The following CNTN1 variants were observed in gnomAD, a reference collection of about 807,000 sequenced individuals.
The protein encoded by CNTN1 is contactin 1.
A neutral mutation model predicts 126.4 loss-of-function variants in CNTN1; 38 were observed. The ratio of observed to expected loss-of-function variants is 0.30; its 90% CI spans 0.23 to 0.39. The LOEUF (loss-of-function observed/expected upper bound fraction) is 0.39. Among genes scored for constraint, CNTN1 ranks in the 10% least tolerant of loss-of-function variants. The pLI is 1.00. For missense variants in CNTN1, 1,009 were observed against 1,248.4 expected (o/e 0.81, Z 2.89); for synonymous variants, 413 against 422.6 (o/e 0.98, Z 0.28).
At chr12:40,758,648 A>G (rs926670499) in intron 1 of CNTN1, among the ~76,000 whole-genome samples, 2 of 152,190 alleles carry the variant, frequency 1.3e-5, no homozygotes. Context: ...TAGATGAAAG[A>G]GTATAATGAA....
chr12:40,805,045 C>T (rs1940794283), intron 1 of CNTN1, among the ~76,000 whole-genome samples: 1 of 151,970 alleles, frequency 6.6e-6, no homozygotes, highest in Non-Finnish European at 1.5e-5. Flanking sequence ...TTCCTTGGTG[C>T]ACAATACAAT....
In CNTN1 at chr12:40,810,338, G is replaced by A. The variant is rs144128058; in HGVS notation, c.-76-98019G>A. Among the ~76,000 whole-genome samples the A allele has an allele frequency of 9.9e-4, 150 of 152,254 alleles. No homozygotes were observed. In the Middle Eastern group the frequency reaches 0.01, roughly 10 times the overall value. On this transcript the variant is annotated intron_variant, in intron 1 of 23. Coordinates refer to ENST00000551295, the MANE Select transcript of CNTN1 (RefSeq NM_001843.4). Reference sequence around the variant, plus strand: ...ATTGCTAAATGATTTCCACAATAAAGTTTGTTAACATAGCCATCATCTCAC... The same window carrying A: ...ATTGCTAAATGATTTCCACAATAAAATTTGTTAACATAGCCATCATCTCAC...
At chr12:40,747,304 G>GGTGTGTGTGTGT (rs1565679842) in intron 1 of CNTN1, among the ~76,000 whole-genome samples, 1 of 21,046 alleles carries the variant, frequency 4.8e-5, no homozygotes, top group African/African-American at 1.5e-4. Flanking sequence ...TTTGTGAAGG[G>GGTGTGTGTGTGT]ATGTGTGTGT....
intron 23 of CNTN1, among the ~76,000 whole-genome samples, chr12:41,030,356 A>C (rs1949123082): frequency 6.6e-6 from 1 of 152,092 alleles, no homozygotes. Context: ...GCCACAATAC[A>C]TATATACATC....
At chr12:40,940,693 C>T (rs144074386) in intron 12 of CNTN1, among the ~76,000 whole-genome samples, 4 of 152,178 alleles carry the variant, frequency 2.6e-5, no homozygotes, top group South Asian at 2.1e-4. Flanking sequence ...AGCACAGGCA[C>T]GGCTGTTTAT....
chr12:40,775,321 A>G (rs753022720), intron 1 of CNTN1, among the ~76,000 whole-genome samples: 10 of 151,478 alleles, frequency 6.6e-5, no homozygotes, highest in Non-Finnish European at 1.3e-4. Flanking sequence ...TGAATTATAT[A>G]TAATGTAATG....
intron 1 of CNTN1, among the ~76,000 whole-genome samples, chr12:40,832,859 G>A (rs1459376927): frequency 2.6e-5 from 4 of 152,046 alleles, no homozygotes; most frequent in East Asian, 1.9e-4. Flanking sequence ...TAATCACCCC[G>A]GGGACACATA....
chr12:40,735,563 AAGG>A (rs1182992672), intron 1 of CNTN1, among the ~76,000 whole-genome samples: 1 of 152,106 alleles, frequency 6.6e-6, no homozygotes, highest in African/African-American at 2.4e-5. Context: ...AACTGTGAGA[AAGG>A]AGACCAAAGA....
intron 1 of CNTN1, among the ~76,000 whole-genome samples, chr12:40,782,327 A>G (rs1035823401): frequency 6.6e-6 from 1 of 151,960 alleles, no homozygotes; most frequent in Non-Finnish European, 1.5e-5. Context: ...AAACCCTTTT[A>G]GCTTAAATGT....
At chr12:40,852,203 C>CA (rs1275984516) in intron 1 of CNTN1, among the ~76,000 whole-genome samples, 3 of 152,116 alleles carry the variant, frequency 2.0e-5, no homozygotes, top group Admixed American at 2.0e-4. Flanking sequence ...ATAATAATAA[C>CA]AAAAAGCAAG....
At position 40,842,058 on chromosome 12, in the gene CNTN1, A is replaced by G. The variant is rs11178707; in HGVS notation, c.-76-66299A>G. Among the ~76,000 whole-genome samples the G allele has an allele frequency of 1.2e-3, 177 of 152,196 alleles. 3 individuals carry two copies. In the East Asian group the frequency reaches 0.033, roughly 28 times the overall value. On this transcript the variant is annotated intron_variant, in intron 1 of 23. Transcript: ENST00000551295. ...TTAGGAGAAAGTCAAATATAATTTG[A>G]AAAATAAGCCACTCATAAACCCTAA...
chr12:40,983,389 T>C (rs1441914919), intron 16 of CNTN1, among the ~76,000 whole-genome samples: 1 of 152,100 alleles, frequency 6.6e-6, no homozygotes. Flanking sequence ...TTTGTTCCTC[T>C]TTTCCTTGTT....
intron 1 of CNTN1, among the ~76,000 whole-genome samples, chr12:40,719,704 A>G (rs976590903): frequency 6.6e-6 from 1 of 152,258 alleles, no homozygotes; most frequent in Admixed American, 6.5e-5. Context: ...TGCTTGCTAC[A>G]TAACTGTAGA....
intron 1 of CNTN1, among the ~76,000 whole-genome samples, chr12:40,892,434 A>T (rs1592214772): frequency 6.6e-6 from 1 of 152,066 alleles, no homozygotes; most frequent in Non-Finnish European, 1.5e-5. Flanking sequence ...CCACATTAGA[A>T]TTTTTCCATG....
intron 1 of CNTN1, among the ~76,000 whole-genome samples, chr12:40,719,001 T>A (rs1319164269): frequency 1.3e-5 from 2 of 151,964 alleles, no homozygotes; most frequent in African/African-American, 4.8e-5. Flanking sequence ...TTTGGAGGGG[T>A]TGATTTTTTT....
intron 1 of CNTN1, among the ~76,000 whole-genome samples, chr12:40,861,625 C>G (rs1229014569): frequency 6.6e-6 from 1 of 152,000 alleles, no homozygotes; most frequent in Non-Finnish European, 1.5e-5. Flanking sequence ...TTCACTCACT[C>G]TATAATAATC....
chr12:40,827,829 T>TA (rs2136541061), intron 1 of CNTN1, among the ~76,000 whole-genome samples: 1 of 152,288 alleles, frequency 6.6e-6, no homozygotes, highest in Admixed American at 6.5e-5. Context: ...CATTACTGGA[T>TA]AGAACAGCGA....
chr12:41,029,235 A>G lies in CNTN1; in HGVS notation c.2980+16A>G. 6.2e-7 allele frequency: 1 copy of G among 1,613,904 alleles called. No individual in the cohort carries two copies. The highest frequency in any genetic ancestry group is 1.1e-5 in the South Asian group (1 of 91,078). ...AAAATTTCAGGTAAGTGAGTCATTT[A>G]AGACACATTTCAACTAAGTACTTGT... On this transcript the variant is annotated intron_variant, in intron 23 of 23. Coordinates refer to ENST00000551295, the MANE Select transcript of CNTN1 (RefSeq NM_001843.4).
At position 40,933,916 on chromosome 12, in the gene CNTN1, G is replaced by A. The variant is rs767696023; in HGVS notation, c.985+38G>A. On this transcript the variant is annotated intron_variant, in intron 9 of 23. Coordinates refer to ENST00000551295, the MANE Select transcript of CNTN1 (RefSeq NM_001843.4). ...TTTTAATTTTGTATAAATTTCATCA[G>A]TATCTTATTTAGAGCCATTTCCATA... 8 of 1,535,686 alleles carry A rather than the reference G, an allele frequency of 5.2e-6. No homozygotes were observed. The South Asian group carries it at 5.7e-5, about 11-fold the overall frequency.
Sources: gnomAD v4.1 joint callset for allele counts (sites outside exome capture counted in the v4.1 genomes callset) on GRCh38, gnomAD v4.1.1 for gene constraint, MANE v1.5 for transcripts, NCBI Gene and HGNC (gene_info 2026-07-23, HGNC 2026-07-21) for gene names.